DISP1: variants seen among roughly 807,000 people sequenced by gnomAD.
DISP1 encodes protein dispatched homolog 1.
DISP1 carries 30 observed loss-of-function variants against 37.3 expected under a neutral mutation model. The observed-to-expected ratio is 0.80, with a 90% CI of 0.60 to 1.09. The LOEUF is 1.09. Ranked by LOEUF, DISP1 falls within the 50% of genes least tolerant of loss-of-function variation. The probability of loss-of-function intolerance (pLI) is 0.00; values close to 1 mark genes in which losing one functional copy is unlikely to be tolerated. For synonymous variants in DISP1, 634 were observed against 690.2 expected (o/e 0.92, Z 1.28); for missense variants, 1,598 against 1,879.5 (o/e 0.85, Z 2.77).
At chr1:222,994,245 A>T (rs1475667809) in intron 7 of DISP1, among the ~76,000 whole-genome samples, 1 of 152,204 alleles carries the variant, frequency 6.6e-6, no homozygotes, top group Non-Finnish European at 1.5e-5. Flanking sequence ...GGACCTGGTT[A>T]TATCCTAATC....
intron 1 of DISP1, among the ~76,000 whole-genome samples, chr1:222,924,780 A>G (rs541597762): frequency 6.0e-4 from 91 of 152,280 alleles, no homozygotes; most frequent in African/African-American, 1.9e-3. Context: ...CAAGACTTTT[A>G]AATGTTAATA....
intron 3 of DISP1, among the ~76,000 whole-genome samples, chr1:222,947,855 T>C (rs1320188291): frequency 2.0e-5 from 3 of 152,052 alleles, no homozygotes; most frequent in African/African-American, 7.2e-5. Context: ...GTCAGGACCG[T>C]TGTAGATAGG....
chr1:222,868,151 G>A (rs1669304240), intron 1 of DISP1, among the ~76,000 whole-genome samples: 1 of 152,072 alleles, frequency 6.6e-6, no homozygotes, highest in Non-Finnish European at 1.5e-5. Flanking sequence ...GGGAGGCTGA[G>A]GCAGGAGAAT....
intron 3 of DISP1, among the ~76,000 whole-genome samples, chr1:222,955,652 G>A (rs1675542243): frequency 6.6e-6 from 1 of 152,126 alleles, no homozygotes; most frequent in Admixed American, 6.6e-5. Flanking sequence ...ATGGAGAGGG[G>A]CCAGGAGACT....
chr1:222,881,748 CG>C (rs1311317402), intron 1 of DISP1, among the ~76,000 whole-genome samples: 1 of 152,040 alleles, frequency 6.6e-6, no homozygotes, highest in Non-Finnish European at 1.5e-5. Flanking sequence ...TAGATTTTTA[CG>C]GGTCATTTTT....
chr1:222,933,235 T>G (rs903314258), intron 2 of DISP1, among the ~76,000 whole-genome samples: 1 of 151,968 alleles, frequency 6.6e-6, no homozygotes, highest in African/African-American at 2.4e-5. Flanking sequence ...TTAATTTTTC[T>G]TCTGTATCAT....
intron 3 of DISP1, among the ~76,000 whole-genome samples, chr1:222,966,423 C>A (rs1352482013): frequency 6.6e-6 from 1 of 152,072 alleles, no homozygotes; most frequent in African/African-American, 2.4e-5. Context: ...AAAGGTATTT[C>A]TAAAACTTCA....
intron 1 of DISP1, among the ~76,000 whole-genome samples, chr1:222,851,096 C>T (rs540520518): frequency 3.3e-4 from 47 of 143,892 alleles, no homozygotes; most frequent in African/African-American, 1.2e-3. Context: ...ACAGAGTTTC[C>T]ACTCTTGTTG....
chr1:222,847,865 G>T (rs745307056), intron 1 of DISP1, among the ~76,000 whole-genome samples: 4 of 152,230 alleles, frequency 2.6e-5, no homozygotes, highest in Admixed American at 1.3e-4. Context: ...TTTTAAACTT[G>T]TGACTAGTCA....
At chr1:222,856,921 C>A (rs1668585136) in intron 1 of DISP1, among the ~76,000 whole-genome samples, 1 of 152,006 alleles carries the variant, frequency 6.6e-6, no homozygotes, top group Non-Finnish European at 1.5e-5. Context: ...CCAGGCTAGT[C>A]CTGAACTCCT....
intron 1 of DISP1, among the ~76,000 whole-genome samples, chr1:222,864,989 C>CATTA (rs1424482237): frequency 2.0e-5 from 3 of 150,074 alleles, no homozygotes; most frequent in Non-Finnish European, 2.9e-5. Flanking sequence ...TTAGGACAGC[C>CATTA]ATTAATGATG....
intron 2 of DISP1, among the ~76,000 whole-genome samples, chr1:222,931,579 A>C (rs1481057452): frequency 6.6e-6 from 1 of 151,902 alleles, no homozygotes; most frequent in Non-Finnish European, 1.5e-5. Context: ...ACCATCTTGT[A>C]ATTCTTATTT....
intron 1 of DISP1, among the ~76,000 whole-genome samples, chr1:222,892,463 C>A (rs1670994438): frequency 6.6e-6 from 1 of 152,040 alleles, no homozygotes; most frequent in South Asian, 2.1e-4. Flanking sequence ...TGAGTGGTGT[C>A]CCGAGAAATA....
intron 1 of DISP1, among the ~76,000 whole-genome samples, chr1:222,887,504 T>G (rs1207848742): frequency 6.3e-5 from 8 of 126,370 alleles, no homozygotes; most frequent in South Asian, 2.8e-4. Flanking sequence ...TTTTTTTTTT[T>G]TTTTTGAGAC....
At chr1:222,895,260 TATCAGGGA>T (rs1421870194) in intron 1 of DISP1, among the ~76,000 whole-genome samples, 1 of 152,202 alleles carries the variant, frequency 6.6e-6, no homozygotes, top group African/African-American at 2.4e-5. Context: ...CAGCTGAAGT[TATCAGGGA>T]AATTCTGAAA....
intron 1 of DISP1, among the ~76,000 whole-genome samples, chr1:222,917,338 A>G (rs1672552688): frequency 1.3e-5 from 2 of 152,224 alleles, no homozygotes; most frequent in South Asian, 4.1e-4. Context: ...AGACTAGCAG[A>G]GACTTGCAGG....
At chr1:222,816,072 A>AATATATATATAT (rs68057775) in intron 1 of DISP1, among the ~76,000 whole-genome samples, 12 of 144,128 alleles carry the variant, frequency 8.3e-5, no homozygotes, top group East Asian at 2.0e-4. Flanking sequence ...GCTGTAAGGA[A>AATATATATATAT]ATATATATAT....
rs1674498350 is a variant in DISP1, at chr1:222,943,015, A to T, written c.192A>T (p.Ser64=). The change falls in exon 3 of 9, where the codon TCA becomes TCT. Residue 64 remains serine, a synonymous_variant. Transcript: ENST00000675850. ...GCLQLNGTVK[S]SFLPLDNQRM... is the part of the protein sequence containing the mutation. The stretch of plus-strand genomic sequence containing the variant: ...TGCAACTTAATGGCACGGTCAAATC[A>T]TCCTTTCTGCCTTTAGACAACCAAA... 6.2e-7 allele frequency: 1 copy of T among 1,614,182 alleles called. No homozygotes were observed. Among genetic ancestry groups the T allele is most frequent in the East Asian group, 2.2e-5 (1 of 44,884 alleles).
In DISP1 at chr1:222,893,821, C is replaced by CCTGTTTGTGTTACAGCT. The variant is rs1277062975; in HGVS notation, c.-158-34606_-158-34590dup. 1.3e-5 allele frequency among the ~76,000 whole-genome samples: 2 copies of CCTGTTTGTGTTACAGCT among 152,248 alleles called. No individual in the cohort carries two copies. Among genetic ancestry groups the CCTGTTTGTGTTACAGCT allele is most frequent in the South Asian group, 4.1e-4 (2 of 4,826 alleles). On this transcript the variant is annotated intron_variant, in intron 1 of 8. Coordinates refer to ENST00000675850, the MANE Select transcript of DISP1 (RefSeq NM_001377229.1). The surrounding 1 kb of genome is among the most constrained non-coding windows in gnomAD (Gnocchi z 4.3). The stretch of plus-strand genomic sequence containing the variant: ...TAATGGAGTGGGGGCGTGTTTCAGC[C>CCTGTTTGTGTTACAGCT]CTGTTTGTGTTACAGCTCTTTCAGC...
Sources: allele counts gnomAD v4.1 joint callset (sites outside exome capture counted in the v4.1 genomes callset), GRCh38; gene constraint gnomAD v4.1.1; non-coding constraint Gnocchi (gnomAD v3.1); transcripts MANE v1.5; gene names NCBI Gene and HGNC (gene_info 2026-07-23, HGNC 2026-07-21).